Variants in DHDH observed in about 807,000 individuals in gnomAD.
DHDH encodes dihydrodiol dehydrogenase.
In DHDH, 29 loss-of-function variants were observed where a neutral mutation model predicts 33.2. The observed-to-expected ratio is 0.87, with a 90% confidence interval of 0.65 to 1.19. The LOEUF (loss-of-function observed/expected upper bound fraction) is 1.19. DHDH is among the 50% of genes most tolerant of loss of function. The pLI is 0.00. For missense variants in DHDH, 431 were observed against 455.0 expected (o/e 0.95, Z 0.48); for synonymous variants, 201 against 187.9 (o/e 1.07, Z -0.57).
chr19:48,939,460 C>A lies in DHDH; in HGVS notation c.378C>A (p.Thr126=). The change falls in exon 4 of 7, where the codon ACC becomes ACA. Residue 126 remains threonine (T), a synonymous_variant. Transcript: ENST00000221403. ...RALFLMEAIW[T]RFFPASEALR... is the part of the protein sequence containing the mutation. ...CTTGTGGTCTGCAGGCCATCTGGAC[C>A]CGCTTCTTTCCTGCCTCCGAGGCTC... 6.2e-7 allele frequency: 1 copy of A among 1,612,248 alleles called. No individual in the cohort carries two copies. Among genetic ancestry groups the A allele is most frequent in the Non-Finnish European group, 8.5e-7 (1 of 1,178,608 alleles).
At chr19:48,937,523 C>G (rs2037795167) in intron 3 of DHDH, among the ~76,000 whole-genome samples, 1 of 151,840 alleles carries the variant, frequency 6.6e-6, no homozygotes, top group African/African-American at 2.4e-5. Context: ...TAAAAAAGTA[C>G]AAAAATTGGC....
At chr19:48,937,260 G>T (rs563098383) in intron 3 of DHDH, among the ~76,000 whole-genome samples, 5 of 152,268 alleles carry the variant, frequency 3.3e-5, no homozygotes, top group Admixed American at 1.3e-4. Flanking sequence ...GCTCCCCAGT[G>T]CCCTCAGGCC....
rs763244130 is a variant in DHDH at position 48,933,711 on chromosome 19, G to A, written c.-11G>A. 2 of 1,613,034 alleles carry A rather than the reference G, an allele frequency of 1.2e-6. No individual in the cohort carries two copies. Among genetic ancestry groups the A allele is most frequent in the Non-Finnish European group, 1.7e-6 (2 of 1,179,844 alleles). Reference sequence around the variant, plus strand: ...AGGGACCGAAGGTGCCGAGGGCTCCGCATCGCAACCATGGCGCTGCGCTGG... The same window carrying A: ...AGGGACCGAAGGTGCCGAGGGCTCCACATCGCAACCATGGCGCTGCGCTGG... On this transcript the variant is annotated 5_prime_UTR_variant, in exon 1 of 7. Coordinates refer to ENST00000221403, the MANE Select transcript of DHDH (RefSeq NM_014475.4).
chr19:48,935,388 G>A (rs2037757314), intron 2 of DHDH, among the ~76,000 whole-genome samples: 1 of 152,192 alleles, frequency 6.6e-6, no homozygotes, highest in Non-Finnish European at 1.5e-5. Context: ...AGGTATGGTG[G>A]CACGCACCTG....
chr19:48,941,002 A>C (rs2037851256), intron 4 of DHDH, among the ~76,000 whole-genome samples: 1 of 152,082 alleles, frequency 6.6e-6, no homozygotes, highest in African/African-American at 2.4e-5. Context: ...GTCTCAAAAA[A>C]AAAAAAAAAC....
In DHDH at chr19:48,936,071, C is replaced by T. The variant is rs781530497; in HGVS notation, c.242C>T (p.Ala81Val). ...YIGTQHPQHK[A>V]AVMLCLAAGK... is the part of the protein sequence containing the mutation. ...GGCACCCAGCACCCCCAGCACAAGG[C>T]GGCGGTGATGCTGTGCTTGGCGGCG... is the stretch of plus-strand genomic sequence containing the variant. Residue 81 changes from alanine (A) to valine (V), a missense_variant, in exon 3 of 7, where the codon GCG (alanine) becomes GTG (valine). Coordinates refer to ENST00000221403, the MANE Select transcript of DHDH (RefSeq NM_014475.4). 1.3e-5 allele frequency: 21 copies of T among 1,609,550 alleles called. No individual in the cohort carries two copies. The South Asian group carries it at 2.0e-4, about 15-fold the overall frequency.
At position 48,939,319 on chromosome 19, in the gene DHDH, G is replaced by A. The variant is rs1018426632; in HGVS notation, c.367-130G>A. 63 of 1,073,354 alleles carry A rather than the reference G, an allele frequency of 5.9e-5. No homozygotes were observed. The East Asian group carries it at 9.1e-4, about 16-fold the overall frequency. 66.5% of individuals were successfully genotyped at this position (1,073,354 alleles called of 1,614,324 possible). On this transcript the variant is annotated intron_variant, in intron 3 of 6. Coordinates refer to ENST00000221403, the MANE Select transcript of DHDH (RefSeq NM_014475.4). ...AGAAGAAAAGTCAAGAGGGTCAGGA[G>A]CAAGAGGGATACAACCTGGGGACTG...
At chr19:48,936,885 G>A (rs1249501832) in intron 3 of DHDH, among the ~76,000 whole-genome samples, 1 of 151,222 alleles carries the variant, frequency 6.6e-6, no homozygotes, top group Admixed American at 6.6e-5. Flanking sequence ...CCAGGTTAAA[G>A]CGATTCTCCT....
Position 48,935,031 on chromosome 19 carries a change from G to A in DHDH, c.122G>A (p.Arg41His), listed in dbSNP as rs201753232. Residue 41 changes from arginine (R) to histidine (H), a missense_variant, in exon 2 of 7, where the codon CGT becomes CAT. Arg to His is a conservative substitution (Grantham distance 29). Transcript: ENST00000221403. ...VVAVAARDLS[R>H]AKEFAQKHDI... ...GCGGTGGCGGCCCGCGATCTGAGCC[G>A]TGCGAAGGAGTTTGCACAGAAACAC... is the stretch of plus-strand genomic sequence containing the variant. The A allele has an allele frequency of 5.3e-4, 845 of 1,585,486 alleles. 7 individuals are homozygous for A. In the Admixed American group the frequency reaches 0.014, roughly 27 times the overall value.
intron 3 of DHDH, among the ~76,000 whole-genome samples, chr19:48,938,406 AG>A (rs1158375402): frequency 3.3e-5 from 5 of 151,936 alleles, no homozygotes; most frequent in African/African-American, 9.7e-5. Flanking sequence ...CCCCAGTTCC[AG>A]GAGTTTTTTT....
intron 3 of DHDH, among the ~76,000 whole-genome samples, chr19:48,938,368 G>T (rs2037809624): frequency 6.6e-6 from 1 of 151,946 alleles, no homozygotes; most frequent in South Asian, 2.1e-4. Context: ...AAGCGCTGGG[G>T]TTACAGGCAT....
At position 48,944,819 on chromosome 19, in the gene DHDH, C is replaced by T. The variant is rs777633533; in HGVS notation, c.896-5C>T. On this transcript the variant is annotated splice_polypyrimidine_tract_variant and splice_region_variant and intron_variant, in intron 6 of 6. Coordinates refer to ENST00000221403, the MANE Select transcript of DHDH (RefSeq NM_014475.4). ...GAGGGGTCCCTAACTACACTCTCCC[C>T]ACAGGTATGAAGGAAAGTCCTGTGA... is the stretch of plus-strand genomic sequence containing the variant. 3.7e-6 allele frequency: 6 copies of T among 1,612,440 alleles called. No homozygotes were observed. Among genetic ancestry groups the T allele is most frequent in the South Asian group, 3.3e-5 (3 of 91,014 alleles).
chr19:48,935,553 G>C (rs77138811), intron 2 of DHDH, among the ~76,000 whole-genome samples: 9 of 150,256 alleles, frequency 6.0e-5, no homozygotes, highest in Non-Finnish European at 1.0e-4. Context: ...CGCGGTGGCT[G>C]ACGCCTGTAA....
chr19:48,938,547 A>G (rs890073813), intron 3 of DHDH, among the ~76,000 whole-genome samples: 2 of 151,944 alleles, frequency 1.3e-5, no homozygotes, highest in African/African-American at 4.8e-5. Flanking sequence ...TAACTCTTAA[A>G]CCCACTGGCC....
chr19:48,941,098 T>C (rs577720068), intron 4 of DHDH, among the ~76,000 whole-genome samples: 7 of 152,300 alleles, frequency 4.6e-5, no homozygotes, highest in African/African-American at 1.7e-4. Context: ...ATGGTTCTTC[T>C]GCTGGTCTTA....
At chr19:48,941,252 A>G (rs1424903843) in intron 4 of DHDH, among the ~76,000 whole-genome samples, 2 of 152,120 alleles carry the variant, frequency 1.3e-5, no homozygotes, top group African/African-American at 4.8e-5. Context: ...GATACCATTC[A>G]TATCGTGGTG....
chr19:48,937,231 T>C (rs987597140), intron 3 of DHDH, among the ~76,000 whole-genome samples: 1 of 152,174 alleles, frequency 6.6e-6, no homozygotes, highest in Non-Finnish European at 1.5e-5. Context: ...GCTCAGAGCC[T>C]GCGCAGAGCC....
rs377671385 is a variant in DHDH, at chr19:48,939,574, C to T, written c.492C>T (p.Ala164=). The change falls in exon 4 of 7, where the codon GCC becomes GCT. Residue 164 remains alanine, a synonymous_variant. Coordinates refer to ENST00000221403, the MANE Select transcript of DHDH (RefSeq NM_014475.4). ...AGAATCTCATCCACGTTCCCCGGGC[C>T]GTAGACCGGGCCCAGGCTGGGGGGG... The part of the protein sequence containing the change: ...FGKNLIHVPR[A]VDRAQAGGAL... 69 of 1,611,208 alleles carry T rather than the reference C, an allele frequency of 4.3e-5. No individual in the cohort carries two copies. The highest frequency in any genetic ancestry group is 1.8e-4 in the South Asian group (16 of 90,756).
At chr19:48,944,267 G>T in intron 5 of DHDH, 90 bp from the exon 6 acceptor site, 4 of 1,565,786 alleles carry the variant, frequency 2.6e-6, no homozygotes, top group Non-Finnish European at 3.5e-6. Context: ...TCAAGAGGGA[G>T]GCCCCTGTGC....
Sources: allele counts gnomAD v4.1 joint callset (sites outside exome capture counted in the v4.1 genomes callset), GRCh38; gene constraint gnomAD v4.1.1; transcripts MANE v1.5; gene names NCBI Gene and HGNC (gene_info 2026-07-23, HGNC 2026-07-21).